VARS1: variants seen among roughly 807,000 people sequenced by gnomAD.
VARS1 encodes the protein valine--tRNA ligase.
VARS1 carries 92 observed loss-of-function variants against 161.0 expected under a neutral mutation model. The observed-to-expected ratio is 0.57, with a 90% CI of 0.48 to 0.68. The LOEUF is 0.68. Among genes scored for constraint, VARS1 ranks in the 30% least tolerant of loss-of-function variants. The pLI is 0.00. For missense variants in VARS1, 1,338 were observed against 1,695.9 expected, an observed-to-expected ratio of 0.79 and a Z score of 3.71; for synonymous variants, 595 against 682.5, an observed-to-expected ratio of 0.87 and a Z score of 2.00.
intron 8 of VARS1, among the ~76,000 whole-genome samples, chr6:31,789,846 C>G (rs940285111): frequency 1.3e-5 from 2 of 151,824 alleles, no homozygotes; most frequent in African/African-American, 4.8e-5. Context: ...TGGTGAAACC[C>G]CGTCTCTACT....
At position 31,782,101 on chromosome 6, in the gene VARS1, C is replaced by T. The variant is rs978271376; in HGVS notation, c.2227G>A (p.Val743Met). Residue 743 changes from valine to methionine, a missense_variant, in exon 18 of 30, where the codon GTG becomes ATG. By Grantham distance (21) the Val-to-Met change is conservative. Transcript: ENST00000375663. This position sits in a 1 kb window ranked among gnomAD's most constrained non-coding sequence, Gnocchi z 8.3. Reference sequence around the variant, plus strand: ...CCTCTGCTCACCTCCCCAGGGGGCACCGCTGGGTCACTGACAGTGACAAAG... The same window carrying T: ...CCTCTGCTCACCTCCCCAGGGGGCATCGCTGGGTCACTGACAGTGACAAAG... Reference protein sequence around the residue: ...AYFVTVSDPAVPPGEDPDGRY... With the variant: ...AYFVTVSDPAMPPGEDPDGRY... 4 of 1,613,788 alleles carry T rather than the reference C, an allele frequency of 2.5e-6. No homozygotes were observed. Among genetic ancestry groups the T allele is most frequent in the Admixed American group, 1.7e-5 (1 of 60,016 alleles).
chr6:31,781,143 G>GC lies in VARS1; in HGVS notation c.2545-21dup. On this transcript the variant is annotated intron_variant, in intron 21 of 29. Transcript: ENST00000375663. This position sits in a 1 kb window ranked among gnomAD's most constrained non-coding sequence, Gnocchi z 6.8. ...GTAGACCTGCAGAGCAGGTGGGGAG[G>GC]CCCATGAGACTCAGTCCTCTCCTTC... 6.2e-7 allele frequency: 1 copy of GC among 1,611,560 alleles called. No individual in the cohort carries two copies. The highest frequency in any genetic ancestry group is 8.5e-7 in the Non-Finnish European group (1 of 1,179,476).
In VARS1 at chr6:31,782,140, G is replaced by A. The variant is rs540387801; in HGVS notation, c.2188C>T (p.Arg730Cys). The A allele has an allele frequency of 3.7e-6, 6 of 1,613,996 alleles. No homozygotes were observed. The highest frequency in any genetic ancestry group is 1.6e-4 in the Middle Eastern group (1 of 6,062). Reference protein sequence around the residue: ...CISRQLWWGHRIPAYFVTVSD... With the variant: ...CISRQLWWGHCIPAYFVTVSD... ...ACAGTGACAAAGTAGGCTGGGATGCGATGGCCCCACCACAGCTGCCTGGAA... is the reference window on the plus strand; with the variant it reads ...ACAGTGACAAAGTAGGCTGGGATGCAATGGCCCCACCACAGCTGCCTGGAA... Residue 730 changes from arginine (R) to cysteine (C), a missense_variant, in exon 18 of 30, where the codon CGC (arginine) becomes TGC (cysteine). This residue lies in a region of VARS1 where 902 missense variants were observed against 1,090.3 expected (regional missense o/e 0.83). Transcript: ENST00000375663. This position sits in a 1 kb window ranked among gnomAD's most constrained non-coding sequence, Gnocchi z 8.3.
At position 31,795,197 on chromosome 6, in the gene VARS1, G is replaced by A; in HGVS notation, c.21C>T (p.Ser7=). The A allele has an allele frequency of 6.8e-7, 1 of 1,466,214 alleles. No homozygotes were observed. Among genetic ancestry groups the A allele is most frequent in the Non-Finnish European group, 9.0e-7 (1 of 1,110,066 alleles). The allele number at this position is 1,466,214 out of a possible 1,614,324, so 90.8% of individuals were successfully genotyped here. The part of the protein sequence containing the change: MSTLYV[S]PHPDAFPSLR... ...GGCTGGGGAAGGCATCTGGGTGAGG[G>A]GAGACGTAGAGGGTGGACATAGTTA... is the stretch of plus-strand genomic sequence containing the variant. The change falls in exon 2 of 30, where the codon TCC becomes TCT. Residue 7 remains serine (S), a synonymous_variant. Coordinates refer to ENST00000375663, the MANE Select transcript of VARS1 (RefSeq NM_006295.3). This position sits in a 1 kb window ranked among gnomAD's most constrained non-coding sequence, Gnocchi z 6.9.
Position 31,780,151 on chromosome 6 carries a change from G to A in VARS1, c.2928C>T (p.Pro976=), listed in dbSNP as rs775633420. ...KGFVPSPTSQ[P]GGHESLVDRW... is the part of the protein sequence containing the mutation. ...GGTCCACCAGGCTCTCATGGCCTCC[G>A]GGCTTGGGGAGAGAGGGTGTATCAG... Residue 976 remains proline, a splice_region_variant and synonymous_variant, in exon 26 of 30, where the codon CCC becomes CCT. Transcript: ENST00000375663. This position sits in a 1 kb window ranked among gnomAD's most constrained non-coding sequence, Gnocchi z 5.1. 1.9e-5 allele frequency: 30 copies of A among 1,613,472 alleles called. 3 individuals are homozygous for A. The highest frequency in any genetic ancestry group is 1.6e-4 in the East Asian group (7 of 44,886).
chr6:31,784,848 C>A lies in VARS1; in HGVS notation c.1348-134G>T. 7.9e-7 allele frequency: 1 copy of A among 1,273,362 alleles called. No individual in the cohort carries two copies. Among genetic ancestry groups the A allele is most frequent in the Non-Finnish European group, 1.1e-6 (1 of 930,048 alleles). 78.9% of individuals were successfully genotyped at this position (1,273,362 alleles called of 1,614,324 possible). A position where few individuals can be genotyped will look rare whatever the true frequency, so the allele number is the denominator to read the frequency against. On this transcript the variant is annotated intron_variant, in intron 10 of 29. Coordinates refer to ENST00000375663, the MANE Select transcript of VARS1 (RefSeq NM_006295.3). The surrounding 1 kb of genome is among the most constrained non-coding windows in gnomAD (Gnocchi z 6.1). ...CACAAAGACCCCTCTGAGGGGAGTACTTTCCTTCTTTCCTTGAGGGGGAGA... is the reference window on the plus strand; with the variant it reads ...CACAAAGACCCCTCTGAGGGGAGTAATTTCCTTCTTTCCTTGAGGGGGAGA...
rs1300598478 is a variant in VARS1 at position 31,781,594 on chromosome 6, T to C, written c.2431A>G (p.Ser811Gly). The change falls in exon 21 of 30, where the codon AGT becomes GGT. Residue 811 changes from serine to glycine, a missense_variant. Transcript: ENST00000375663. This position sits in a 1 kb window ranked among gnomAD's most constrained non-coding sequence, Gnocchi z 6.8. ...AGCAGTGTCCCGGGGTAGAACACAC[T>C]CAGGTCTTCTGACTGAGGGCAGACC... ...LGWPNQSEDL[S>G]VFYPGTLLET... 6.2e-7 allele frequency: 1 copy of C among 1,612,510 alleles called. No individual in the cohort carries two copies. Among genetic ancestry groups the C allele is most frequent in the African/African-American group, 1.3e-5 (1 of 74,778 alleles).
rs781152286 is a variant in VARS1, at chr6:31,781,792, G to A, written c.2348-31C>T. ...AGAGGCCAAAGGTCAGAGGTCAGAG[G>A]GAGTGGAGCTCTGCCCCCCACAACT... On this transcript the variant is annotated intron_variant, in intron 19 of 29. Coordinates refer to ENST00000375663, the MANE Select transcript of VARS1 (RefSeq NM_006295.3). This position sits in a 1 kb window ranked among gnomAD's most constrained non-coding sequence, Gnocchi z 6.8. The A allele has an allele frequency of 2.5e-6, 4 of 1,612,914 alleles. No homozygotes were observed. Among genetic ancestry groups the A allele is most frequent in the Non-Finnish European group, 3.4e-6 (4 of 1,179,934 alleles).
rs1813238557 is a variant in VARS1 at position 31,782,686 on chromosome 6, C to T, written c.1887+35G>A. The T allele has an allele frequency of 6.2e-7, 1 of 1,613,074 alleles. No homozygotes were observed. On this transcript the variant is annotated intron_variant, in intron 15 of 29. Coordinates refer to ENST00000375663, the MANE Select transcript of VARS1 (RefSeq NM_006295.3). The surrounding 1 kb of genome is among the most constrained non-coding windows in gnomAD (Gnocchi z 8.3). Reference sequence around the variant, plus strand: ...CGATGCCCAGCCATCCCTCCATCTCCCTGACCCGGGCACTCTTGCCTCAGG... The same window carrying T: ...CGATGCCCAGCCATCCCTCCATCTCTCTGACCCGGGCACTCTTGCCTCAGG...
chr6:31,789,953 G>A (rs1379444884), intron 8 of VARS1, among the ~76,000 whole-genome samples: 1 of 151,928 alleles, frequency 6.6e-6, no homozygotes, highest in Non-Finnish European at 1.5e-5. Flanking sequence ...TAACGTGGGA[G>A]GCGGAGTTTG....
Position 31,782,250 on chromosome 6 carries a change from C to T in VARS1, c.2150+35G>A, listed in dbSNP as rs750231232. The T allele has an allele frequency of 5.2e-5, 84 of 1,609,888 alleles. 1 individual carries two copies. The Admixed American group carries it at 9.4e-4, about 18-fold the overall frequency. ...GCCCGAGTGAGCCCTGCTCAGCCCT[C>T]GGCAAGCCCCTCCCACACTGAGGAC... is the stretch of plus-strand genomic sequence containing the variant. On this transcript the variant is annotated intron_variant, in intron 17 of 29. Transcript: ENST00000375663. The surrounding 1 kb of genome is among the most constrained non-coding windows in gnomAD (Gnocchi z 8.3).
In VARS1 at chr6:31,795,534, G is replaced by A. The variant is rs1814226043; in HGVS notation, c.-34+12C>T. On this transcript the variant is annotated intron_variant, in intron 1 of 29. Transcript: ENST00000375663. The surrounding 1 kb of genome is among the most constrained non-coding windows in gnomAD (Gnocchi z 6.9). ...GTCTGGTTGGATGCGGGTTCGAGCC[G>A]CGTGTACGTACTGGAGGGAGATGGT... The A allele has an allele frequency of 3.6e-6, 1 of 276,758 alleles. No individual in the cohort carries two copies. The highest frequency in any genetic ancestry group is 5.3e-5 in the Admixed American group (1 of 18,880). The allele number at this position is 276,758 out of a possible 1,614,324, so 17.1% of individuals were successfully genotyped here. A position where few individuals can be genotyped will look rare whatever the true frequency, so the allele number is the denominator to read the frequency against.
chr6:31,782,931 C>A lies in VARS1; in HGVS notation c.1763-86G>T. ...ACCTCTTTTGCTGAAGGATGTAGCT[C>A]CGAGACCACTCCTGGCCCCCACTTG... On this transcript the variant is annotated intron_variant, in intron 14 of 29. Coordinates refer to ENST00000375663, the MANE Select transcript of VARS1 (RefSeq NM_006295.3). This position sits in a 1 kb window ranked among gnomAD's most constrained non-coding sequence, Gnocchi z 8.3. The A allele has an allele frequency of 6.5e-7, 1 of 1,548,612 alleles. No homozygotes were observed. Among genetic ancestry groups the A allele is most frequent in the South Asian group, 1.2e-5 (1 of 80,576 alleles).
chr6:31,792,678 T>C (rs1813960248), intron 4 of VARS1, 79 bp downstream of exon 4: 5 of 1,599,464 alleles, frequency 3.1e-6, no homozygotes, highest in Admixed American at 3.4e-5. Flanking sequence ...GATTCTGCCA[T>C]TTCTAGGAAA....
chr6:31,785,468 G>A lies in VARS1; in HGVS notation c.1265+101C>T, dbSNP rs979529109. On this transcript the variant is annotated intron_variant, in intron 9 of 29. Coordinates refer to ENST00000375663, the MANE Select transcript of VARS1 (RefSeq NM_006295.3). This position sits in a 1 kb window ranked among gnomAD's most constrained non-coding sequence, Gnocchi z 6.1. ...GCCAACTGACTCTGCCTCTGTGGGA[G>A]GGTCTGACCCTGTGGCCAAGGGGTT... 17 of 1,522,644 alleles carry A rather than the reference G, an allele frequency of 1.1e-5. No homozygotes were observed. In the Admixed American group the frequency reaches 2.4e-4, roughly 21 times the overall value. 94.3% of individuals were successfully genotyped at this position (1,522,644 alleles called of 1,614,324 possible).
chr6:31,784,112 T>C lies in VARS1; in HGVS notation c.1671+102A>G. 7.5e-7 allele frequency: 1 copy of C among 1,331,944 alleles called. No homozygotes were observed. The highest frequency in any genetic ancestry group is 1.5e-5 in the African/African-American group (1 of 68,712). 82.5% of individuals were successfully genotyped at this position (1,331,944 alleles called of 1,614,324 possible). A position where few individuals can be genotyped will look rare whatever the true frequency, so the allele number is the denominator to read the frequency against. On this transcript the variant is annotated intron_variant, in intron 13 of 29. Coordinates refer to ENST00000375663, the MANE Select transcript of VARS1 (RefSeq NM_006295.3). This position sits in a 1 kb window ranked among gnomAD's most constrained non-coding sequence, Gnocchi z 6.1. ...GCTGAAGACCAGTTTCTAACCCAGTTTCCTCTCCTCAGCCAGGGGCCTAAG... is the reference window on the plus strand; with the variant it reads ...GCTGAAGACCAGTTTCTAACCCAGTCTCCTCTCCTCAGCCAGGGGCCTAAG...
rs1303988810 is a variant in VARS1 at position 31,793,210 on chromosome 6, C to T, written c.388-90G>A. 22 of 1,474,496 alleles carry T rather than the reference C, an allele frequency of 1.5e-5. No individual in the cohort carries two copies. The East Asian group carries it at 3.3e-4, about 22-fold the overall frequency. 91.3% of individuals were successfully genotyped at this position (1,474,496 alleles called of 1,614,324 possible). A position where few individuals can be genotyped will look rare whatever the true frequency, so the allele number is the denominator to read the frequency against. On this transcript the variant is annotated intron_variant, in intron 2 of 29. Transcript: ENST00000375663. Reference sequence around the variant, plus strand: ...ATCCATGTGGCCTCCCTCCACCCCACTCTCACAAATCACCACCTCTGAGTC... The same window carrying T: ...ATCCATGTGGCCTCCCTCCACCCCATTCTCACAAATCACCACCTCTGAGTC...
In VARS1 at chr6:31,785,843, A is replaced by C; in HGVS notation, c.1101-110T>G. On this transcript the variant is annotated intron_variant, in intron 8 of 29. Coordinates refer to ENST00000375663, the MANE Select transcript of VARS1 (RefSeq NM_006295.3). This position sits in a 1 kb window ranked among gnomAD's most constrained non-coding sequence, Gnocchi z 6.1. ...CAGTGGACTAAATAAAGAAGCAGGG[A>C]GGCCGGACGCGGTGGCTCACGCCTG... 1 of 1,400,326 alleles carries C rather than the reference A, an allele frequency of 7.1e-7. No individual in the cohort carries two copies. Among genetic ancestry groups the C allele is most frequent in the South Asian group, 1.4e-5 (1 of 71,396 alleles). 86.7% of individuals were successfully genotyped at this position (1,400,326 alleles called of 1,614,324 possible). A position where few individuals can be genotyped will look rare whatever the true frequency, so the allele number is the denominator to read the frequency against.
rs1189759904 is a variant in VARS1 at position 31,779,899 on chromosome 6, G to A, written c.3082-85C>T. Reference sequence around the variant, plus strand: ...CCTGTGAGGACTGGGAAGGGGATGGGTTGGCTTAGGTCTCAAGGCCAACTC... The same window carrying A: ...CCTGTGAGGACTGGGAAGGGGATGGATTGGCTTAGGTCTCAAGGCCAACTC... On this transcript the variant is annotated intron_variant, in intron 26 of 29. Coordinates refer to ENST00000375663, the MANE Select transcript of VARS1 (RefSeq NM_006295.3). The surrounding 1 kb of genome is among the most constrained non-coding windows in gnomAD (Gnocchi z 9.1). 4.4e-6 allele frequency: 7 copies of A among 1,602,082 alleles called. No individual in the cohort carries two copies. Among genetic ancestry groups the A allele is most frequent in the Non-Finnish European group, 6.0e-6 (7 of 1,173,688 alleles).
Sources: gnomAD v4.1 joint callset for allele counts (sites outside exome capture counted in the v4.1 genomes callset) on GRCh38, gnomAD v4.1.1 for gene constraint, gnomAD v4.1.1 regional missense constraint, Gnocchi (gnomAD v3.1) non-coding constraint, MANE v1.5 for transcripts, NCBI Gene and HGNC (gene_info 2026-07-23, HGNC 2026-07-21) for gene names.